The following SOAT1 variants were observed in gnomAD, a reference collection of about 807,000 sequenced individuals.
The protein encoded by SOAT1 is sterol O-acyltransferase 1.
In SOAT1, 55 loss-of-function variants were observed where a neutral mutation model predicts 69.5. That is an observed-to-expected ratio of 0.79 (90% CI 0.64 to 0.99). The LOEUF is 0.99. Among genes scored for constraint, SOAT1 ranks in the 50% least tolerant of loss-of-function variants. The pLI is 0.00. For synonymous variants in SOAT1, 231 were observed against 224.7 expected, an observed-to-expected ratio of 1.03 and a Z score of -0.25; for missense variants, 580 against 669.3, an observed-to-expected ratio of 0.87 and a Z score of 1.47.
At chr1:179,313,469 A>T (rs964749009) in intron 2 of SOAT1, among the ~76,000 whole-genome samples, 4 of 152,096 alleles carry the variant, frequency 2.6e-5, no homozygotes, top group East Asian at 1.9e-4. Context: ...TAAAAATTTT[A>T]AAATTACACA....
chr1:179,352,241 G>A lies in SOAT1; in HGVS notation c.1596+779G>A, dbSNP rs1666764256. 2.0e-5 allele frequency among the ~76,000 whole-genome samples: 3 copies of A among 148,968 alleles called. No homozygotes were observed. The Admixed American group carries it at 2.0e-4, about 10-fold the overall frequency. ...TAGCTATACATGGGTACAGATTTTA[G>A]GAGGATGGCTTTTTTTTTTTTTAAG... On this transcript the variant is annotated intron_variant, in intron 15 of 15. Coordinates refer to ENST00000367619, the MANE Select transcript of SOAT1 (RefSeq NM_003101.6).
At position 179,324,997 on chromosome 1, in the gene SOAT1, G is replaced by A. The variant is rs999798846; in HGVS notation, c.177+1502G>A. On this transcript the variant is annotated intron_variant, in intron 3 of 15. Coordinates refer to ENST00000367619, the MANE Select transcript of SOAT1 (RefSeq NM_003101.6). ...TTTTGTAATTTTTAGTAGACATGGG[G>A]TTTCACTGCATGCCAGGATGGTCTC... Among the ~76,000 whole-genome samples, 4 of 4,554 alleles carry A rather than the reference G, an allele frequency of 8.8e-4. No homozygotes were observed. In the Non-Finnish European group the frequency reaches 0.062, roughly 71 times the overall value. 3.0% of individuals were successfully genotyped at this position (4,554 alleles called of 152,430 possible).
chr1:179,302,536 G>A, intron 1 of SOAT1, 141 bp from the exon 2 acceptor site: 1 of 489,266 alleles, frequency 2.0e-6, no homozygotes, highest in Non-Finnish European at 3.6e-6. Flanking sequence ...TGCCATGATT[G>A]TAAGTTTCCT....
rs1558062919 is a variant in SOAT1 at position 179,355,330 on chromosome 1, TA to T, written c.*1692del. 2.0e-5 allele frequency: 3 copies of T among 152,188 alleles called. No individual in the cohort carries two copies. Among genetic ancestry groups the T allele is most frequent in the Non-Finnish European group, 4.4e-5 (3 of 68,038 alleles). 9.4% of individuals were successfully genotyped at this position (152,188 alleles called of 1,614,324 possible). A position where few individuals can be genotyped will look rare whatever the true frequency, so the allele number is the denominator to read the frequency against. On this transcript the variant is annotated 3_prime_UTR_variant, in exon 16 of 16. Transcript: ENST00000367619. ...TTATTTTGAATTTATAACTGCATTT[TA>T]AATATATTGGGGACAGATTGCGCTG...
At position 179,321,360 on chromosome 1, in the gene SOAT1, G is replaced by T. The variant is rs78161779; in HGVS notation, c.119-2077G>T. 7.1e-3 allele frequency among the ~76,000 whole-genome samples: 1,082 copies of T among 152,140 alleles called. 12 individuals carry two copies. Among genetic ancestry groups the T allele is most frequent in the African/African-American group, 0.024 (995 of 41,484 alleles). On this transcript the variant is annotated intron_variant, in intron 2 of 15. Coordinates refer to ENST00000367619, the MANE Select transcript of SOAT1 (RefSeq NM_003101.6). ...TTTAAAAACATTTATTGTAGAGATA[G>T]GGTCTTGCTACATTGCCCATGATGG... is the stretch of plus-strand genomic sequence containing the variant.
intron 1 of SOAT1, among the ~76,000 whole-genome samples, chr1:179,297,927 A>C (rs56401946): frequency 6.7e-6 from 1 of 150,108 alleles, no homozygotes; most frequent in African/African-American, 2.5e-5. Flanking sequence ...GCTTGAATCC[A>C]GGAGGCGGAG....
At chr1:179,341,782 CT>C (rs1666348033) in intron 7 of SOAT1, among the ~76,000 whole-genome samples, 1 of 152,172 alleles carries the variant, frequency 6.6e-6, no homozygotes, top group Non-Finnish European at 1.5e-5. Context: ...ATCCGCCTGC[CT>C]CGGCCTCCCA....
intron 1 of SOAT1, among the ~76,000 whole-genome samples, 171 bp downstream of exon 1, chr1:179,294,107 C>T (rs1406077902): frequency 7.0e-6 from 1 of 143,272 alleles, no homozygotes; most frequent in Admixed American, 6.9e-5. Context: ...GAGGGGAGGG[C>T]GGGAAAGTTA....
At chr1:179,351,750 C>G (rs1481254088) in intron 15 of SOAT1, among the ~76,000 whole-genome samples, 6 of 83,806 alleles carry the variant, frequency 7.2e-5, no homozygotes, top group African/African-American at 3.0e-4. Flanking sequence ...GACAGAGTCT[C>G]ACTCTGTCGC....
intron 11 of SOAT1, 35 bp from the exon 12 acceptor site, chr1:179,347,565 G>T: frequency 7.9e-7 from 1 of 1,258,560 alleles, no homozygotes; most frequent in Non-Finnish European, 1.2e-6. Context: ...TGAGCTATTT[G>T]GAAAGACTGT....
At chr1:179,309,440 G>A (rs1229433031) in intron 2 of SOAT1, among the ~76,000 whole-genome samples, 1 of 152,060 alleles carries the variant, frequency 6.6e-6, no homozygotes, top group Non-Finnish European at 1.5e-5. Flanking sequence ...TTAAAATTTA[G>A]ACATTATCAA....
chr1:179,315,114 G>T (rs1665346337), intron 2 of SOAT1, among the ~76,000 whole-genome samples: 1 of 152,112 alleles, frequency 6.6e-6, no homozygotes, highest in Non-Finnish European at 1.5e-5. Flanking sequence ...TAGAAATTGA[G>T]AAGCCTTGAG....
intron 5 of SOAT1, among the ~76,000 whole-genome samples, chr1:179,338,638 T>TG (rs1666235416): frequency 6.6e-6 from 1 of 152,136 alleles, no homozygotes. Context: ...AGTTTACATC[T>TG]GGGGGAAAAC....
intron 1 of SOAT1, among the ~76,000 whole-genome samples, chr1:179,294,667 G>C (rs1664568293): frequency 6.6e-6 from 1 of 152,192 alleles, no homozygotes. Flanking sequence ...GAGTAGCTGG[G>C]ATTACAGGCG....
At chr1:179,323,045 C>CTTTTTTTTTTTTTTTTTTTTCTTTTTTT (rs36045111) in intron 2 of SOAT1, among the ~76,000 whole-genome samples, 1 of 126,740 alleles carries the variant, frequency 7.9e-6, no homozygotes, top group African/African-American at 3.0e-5. Context: ...TCTTTTCTTT[C>CTTTTTTTTTTTTTTTTTTTTCTTTTTTT]TTTTTTTTTT....
At chr1:179,347,479 C>A in intron 11 of SOAT1, 121 bp from the exon 12 acceptor site, 2 of 588,760 alleles carry the variant, frequency 3.4e-6, no homozygotes, top group African/African-American at 1.9e-5. Flanking sequence ...AATGGGTAAA[C>A]TGGAATAATA....
chr1:179,327,415 G>A (rs1665830000), intron 3 of SOAT1, among the ~76,000 whole-genome samples: 2 of 152,106 alleles, frequency 1.3e-5, no homozygotes, highest in Admixed American at 1.3e-4. Flanking sequence ...TAGCTCTAAA[G>A]GTTTACGTCA....
intron 3 of SOAT1, among the ~76,000 whole-genome samples, chr1:179,324,866 G>A (rs879760176): frequency 4.6e-5 from 7 of 152,122 alleles, no homozygotes; most frequent in Non-Finnish European, 8.8e-5. Flanking sequence ...GCAGTGGCAC[G>A]ATCTCGGCTC....
intron 2 of SOAT1, among the ~76,000 whole-genome samples, chr1:179,308,959 G>A (rs996545045): frequency 7.2e-5 from 11 of 152,150 alleles, no homozygotes; most frequent in East Asian, 1.9e-4. Context: ...GATGCTTGGC[G>A]GTTTATTTAA....
Sources: allele counts gnomAD v4.1 joint callset (sites outside exome capture counted in the v4.1 genomes callset), GRCh38; gene constraint gnomAD v4.1.1; transcripts MANE v1.5; gene names NCBI Gene and HGNC (gene_info 2026-07-23, HGNC 2026-07-21).